STAU2: variants seen among roughly 807,000 people sequenced by gnomAD.
STAU2 encodes staufen double-stranded RNA binding protein 2, also known as double-stranded RNA-binding protein Staufen homolog 2.
STAU2 carries 20 observed loss-of-function variants against 65.9 expected under a neutral mutation model. The observed-to-expected ratio is 0.30, with a 90% confidence interval of 0.21 to 0.44. STAU2 has a LOEUF of 0.44. Ranked by LOEUF, STAU2 falls within the 20% of genes least tolerant of loss-of-function variation. STAU2 has a pLI of 1.00. For synonymous variants in STAU2, 232 were observed against 233.9 expected (o/e 0.99, Z 0.07); for missense variants, 558 against 683.9 (o/e 0.82, Z 2.05).
chr8:73,651,457 A>G, intron 6 of STAU2: 1 of 674,736 alleles, frequency 1.5e-6, no homozygotes, highest in East Asian at 3.1e-5. Context: ...ACGAACGGCA[A>G]ATGCAGGACT....
chr8:73,603,691 A>G, intron 10 of STAU2, 35 bp downstream of exon 10: 2 of 1,597,786 alleles, frequency 1.3e-6, no homozygotes, highest in Non-Finnish European at 1.7e-6. Flanking sequence ...GGGGATTTCT[A>G]AATCTTTTCA....
intron 5 of STAU2, among the ~76,000 whole-genome samples, chr8:73,684,942 A>G (rs1180548043): frequency 6.6e-6 from 1 of 152,202 alleles, no homozygotes; most frequent in African/African-American, 2.4e-5. Flanking sequence ...CCCAAATCTC[A>G]TCTTGAATTG....
At chr8:73,527,815 A>G in intron 13 of STAU2, 3 of 1,528,194 alleles carry the variant, frequency 2.0e-6, no homozygotes, top group Non-Finnish European at 2.6e-6. Context: ...CTATAACAGA[A>G]CACACGCAAT....
chr8:73,604,438 C>T (rs953460892), intron 9 of STAU2, among the ~76,000 whole-genome samples: 1 of 152,036 alleles, frequency 6.6e-6, no homozygotes, highest in East Asian at 1.9e-4. Flanking sequence ...TCATGTTGGC[C>T]AACCTGATCT....
At chr8:73,696,371 CCTAA>C (rs1819694965) in intron 4 of STAU2, among the ~76,000 whole-genome samples, 1 of 152,150 alleles carries the variant, frequency 6.6e-6, no homozygotes, top group Non-Finnish European at 1.5e-5. Context: ...GAAAACATGA[CCTAA>C]CCAAATGAAC....
chr8:73,623,998 A>G (rs1049031470), intron 6 of STAU2, among the ~76,000 whole-genome samples: 3 of 152,236 alleles, frequency 2.0e-5, no homozygotes. Context: ...TACTGTAAGT[A>G]TGTTTTAAAT....
chr8:73,684,388 G>A (rs1818646876), intron 5 of STAU2, among the ~76,000 whole-genome samples: 1 of 152,126 alleles, frequency 6.6e-6, no homozygotes, highest in Non-Finnish European at 1.5e-5. Flanking sequence ...AAATGGTGCT[G>A]GGATAATTGG....
At chr8:73,537,038 T>C (rs1806226512) in intron 13 of STAU2, among the ~76,000 whole-genome samples, 1 of 152,122 alleles carries the variant, frequency 6.6e-6, no homozygotes, top group Admixed American at 6.5e-5. Context: ...AATAAGCAAT[T>C]ACATACACAC....
At position 73,421,173 on chromosome 8, in the gene STAU2, C is replaced by G. The variant is rs1585706634; in HGVS notation, c.*199G>C. On this transcript the variant is annotated 3_prime_UTR_variant, in exon 15 of 15. Coordinates refer to ENST00000524300, the MANE Select transcript of STAU2 (RefSeq NM_001164380.2). The stretch of plus-strand genomic sequence containing the variant: ...TGAGTTATGATCTGATCTCGAGTTC[C>G]AAGGGAAATGCTCAAAGTTTTATTT... The G allele has an allele frequency of 7.5e-6, 4 of 529,858 alleles. No individual in the cohort carries two copies. The African/African-American group carries it at 7.7e-5, about 10-fold the overall frequency. The allele number at this position is 529,858 out of a possible 1,614,324, so 32.8% of individuals were successfully genotyped here. A position where few individuals can be genotyped will look rare whatever the true frequency, so the allele number is the denominator to read the frequency against.
rs373100837 is a variant in STAU2 at position 73,591,635 on chromosome 8, T to C, written c.1161+3531A>G. Among the ~76,000 whole-genome samples, 6 of 151,530 alleles carry C rather than the reference T, an allele frequency of 4.0e-5. No homozygotes were observed. In the South Asian group the frequency reaches 6.3e-4, roughly 16 times the overall value. On this transcript the variant is annotated intron_variant, in intron 11 of 14. Transcript: ENST00000524300. ...GAAATATCCAATAGAAGTGGTCAAGTCAACAAAGACACAACACTAACTGTA... is the reference window on the plus strand; with the variant it reads ...GAAATATCCAATAGAAGTGGTCAAGCCAACAAAGACACAACACTAACTGTA...
rs868724330 is a variant in STAU2 at position 73,651,449 on chromosome 8, G to C, written c.410+21658C>G. On this transcript the variant is annotated intron_variant, in intron 6 of 14. Coordinates refer to ENST00000524300, the MANE Select transcript of STAU2 (RefSeq NM_001164380.2). ...GTTTCAAAATCGCCGCATGAAACAC[G>C]AACGGCAAATGCAGGACTCCCAGCT... 21 of 671,278 alleles carry C rather than the reference G, an allele frequency of 3.1e-5. No homozygotes were observed. In the African/African-American group the frequency reaches 3.2e-4, roughly 10 times the overall value. The allele number at this position is 671,278 out of a possible 1,614,324, so 41.6% of individuals were successfully genotyped here.
chr8:73,678,773 G>A (rs947721387), intron 5 of STAU2, among the ~76,000 whole-genome samples: 1 of 152,120 alleles, frequency 6.6e-6, no homozygotes, highest in Non-Finnish European at 1.5e-5. Context: ...AAAATGAAGA[G>A]AATAAGTTTT....
At chr8:73,649,477 G>T (rs1213331120) in intron 6 of STAU2, among the ~76,000 whole-genome samples, 3 of 151,846 alleles carry the variant, frequency 2.0e-5, no homozygotes, top group Non-Finnish European at 4.4e-5. Context: ...CATTATATTT[G>T]TTCCATCACA....
At chr8:73,454,117 G>C (rs1341647866) in intron 13 of STAU2, among the ~76,000 whole-genome samples, 1 of 152,130 alleles carries the variant, frequency 6.6e-6, no homozygotes, top group African/African-American at 2.4e-5. Flanking sequence ...TGAATATAAA[G>C]GTTAATAAAA....
intron 13 of STAU2, among the ~76,000 whole-genome samples, chr8:73,508,225 C>T (rs1402848058): frequency 6.6e-6 from 1 of 152,224 alleles, no homozygotes; most frequent in African/African-American, 2.4e-5. Flanking sequence ...GCCTTCCTCA[C>T]TAAGCTTAAT....
chr8:73,513,558 C>T (rs1822530917), intron 13 of STAU2, among the ~76,000 whole-genome samples: 1 of 152,094 alleles, frequency 6.6e-6, no homozygotes, highest in Admixed American at 6.6e-5. Context: ...GTATAGGTAG[C>T]TTGAGCCCTC....
Position 73,434,020 on chromosome 8 carries a change from T to C in STAU2, c.1531-11318A>G, listed in dbSNP as rs117356582. 2.0e-3 allele frequency among the ~76,000 whole-genome samples: 301 copies of C among 151,808 alleles called. 8 individuals are homozygous for C. In the East Asian group the frequency reaches 0.045, roughly 23 times the overall value. The stretch of plus-strand genomic sequence containing the variant: ...GGCAAAAGGGACTCTGTGCATGAGA[T>C]GAAGGTATGAATGGTGACGTGGGAA... On this transcript the variant is annotated intron_variant, in intron 13 of 14. Coordinates refer to ENST00000524300, the MANE Select transcript of STAU2 (RefSeq NM_001164380.2).
chr8:73,699,435 GA>G (rs1563515089), intron 4 of STAU2, among the ~76,000 whole-genome samples: 1 of 151,004 alleles, frequency 6.6e-6, no homozygotes, highest in African/African-American at 2.4e-5. Flanking sequence ...GCCAGACTAA[GA>G]AAAAAAGAAA....
At chr8:73,489,981 A>T (rs1486775179) in intron 13 of STAU2, among the ~76,000 whole-genome samples, 1 of 152,076 alleles carries the variant, frequency 6.6e-6, no homozygotes, top group Admixed American at 6.6e-5. Context: ...AAATCTTCTC[A>T]GAAAGACATC....
Sources: allele counts gnomAD v4.1 joint callset (sites outside exome capture counted in the v4.1 genomes callset), GRCh38; gene constraint gnomAD v4.1.1; transcripts MANE v1.5; gene names NCBI Gene and HGNC (gene_info 2026-07-23, HGNC 2026-07-21).